Variants in DTNBP1 observed in about 807,000 individuals in gnomAD.
DTNBP1 encodes dystrobrevin binding protein 1, also known as dysbindin.
DTNBP1 carries 35 observed loss-of-function variants against 42.8 expected under a neutral mutation model. The ratio of observed to expected loss-of-function variants is 0.82; its 90% CI spans 0.63 to 1.09. DTNBP1 has a LOEUF of 1.09. Ranked by LOEUF, DTNBP1 falls within the 50% of genes least tolerant of loss-of-function variation. The pLI, the probability that DTNBP1 is intolerant of heterozygous loss-of-function variation, is 0.00. For missense variants in DTNBP1, 457 were observed against 424.2 expected (o/e 1.08, Z -0.68); for synonymous variants, 171 against 162.2 (o/e 1.05, Z -0.41).
At chr6:15,649,776 C>T (rs1760879078) in intron 3 of DTNBP1, among the ~76,000 whole-genome samples, 1 of 152,180 alleles carries the variant, frequency 6.6e-6, no homozygotes, top group South Asian at 2.1e-4. Flanking sequence ...ACATTATTGA[C>T]ACCGTCTTAC....
At chr6:15,572,254 G>A (rs1775371207) in intron 7 of DTNBP1, among the ~76,000 whole-genome samples, 1 of 152,160 alleles carries the variant, frequency 6.6e-6, no homozygotes, top group African/African-American at 2.4e-5. Context: ...ACTTGCCCAA[G>A]GACATGCAGC....
intron 6 of DTNBP1, among the ~76,000 whole-genome samples, chr6:15,605,407 T>C (rs558367603): frequency 3.3e-5 from 5 of 152,294 alleles, no homozygotes; most frequent in Admixed American, 3.3e-4. Flanking sequence ...TAGATCCTCA[T>C]ATGACTGCCA....
chr6:15,630,262 G>A (rs950471899), intron 4 of DTNBP1, among the ~76,000 whole-genome samples: 1 of 152,192 alleles, frequency 6.6e-6, no homozygotes, highest in Non-Finnish European at 1.5e-5. Flanking sequence ...AGCAGAATAA[G>A]TAGTGTTAAG....
At chr6:15,559,158 A>G (rs1354909737) in intron 7 of DTNBP1, among the ~76,000 whole-genome samples, 1 of 152,240 alleles carries the variant, frequency 6.6e-6, no homozygotes, top group Non-Finnish European at 1.5e-5. Flanking sequence ...AAAGGAGACA[A>G]GAGCCTTGAA....
At chr6:15,635,447 T>C (rs147526051) in intron 4 of DTNBP1, among the ~76,000 whole-genome samples, 7 of 152,296 alleles carry the variant, frequency 4.6e-5, no homozygotes, top group African/African-American at 1.7e-4. Flanking sequence ...ATGAGGTGTC[T>C]AGGAATGGAT....
At chr6:15,545,899 AG>A (rs1201635256) in intron 7 of DTNBP1, 22 of 319,426 alleles carry the variant, frequency 6.9e-5, no homozygotes, top group Non-Finnish European at 1.4e-4. Context: ...TTTTATGGGA[AG>A]GGCAAGGCAG....
chr6:15,579,372 G>A (rs1186274692), intron 7 of DTNBP1, among the ~76,000 whole-genome samples: 2 of 152,194 alleles, frequency 1.3e-5, no homozygotes, highest in African/African-American at 4.8e-5. Flanking sequence ...TAGAATAGTG[G>A]TTACTAGAGG....
intron 7 of DTNBP1, among the ~76,000 whole-genome samples, chr6:15,579,081 T>G (rs552491754): frequency 6.6e-6 from 1 of 152,358 alleles, no homozygotes; most frequent in Non-Finnish European, 1.5e-5. Context: ...GTATTTTGAT[T>G]AGATAGCTGC....
intron 7 of DTNBP1, among the ~76,000 whole-genome samples, chr6:15,575,028 C>G (rs927020670): frequency 6.6e-6 from 1 of 152,212 alleles, no homozygotes; most frequent in Non-Finnish European, 1.5e-5. Flanking sequence ...TACTGCCATA[C>G]TAGCCCAAAC....
intron 6 of DTNBP1, among the ~76,000 whole-genome samples, chr6:15,606,580 A>C (rs1758067249): frequency 6.6e-6 from 1 of 152,128 alleles, no homozygotes; most frequent in Non-Finnish European, 1.5e-5. Flanking sequence ...AAGCCATAGG[A>C]GCCTATTGCA....
intron 7 of DTNBP1, among the ~76,000 whole-genome samples, chr6:15,540,336 A>C (rs1277452193): frequency 6.6e-6 from 1 of 152,252 alleles, no homozygotes; most frequent in East Asian, 1.9e-4. Flanking sequence ...CAACTGCTTC[A>C]AAGTTCAGCT....
intron 7 of DTNBP1, among the ~76,000 whole-genome samples, chr6:15,558,163 T>G (rs1774631370): frequency 6.6e-6 from 1 of 151,924 alleles, no homozygotes; most frequent in African/African-American, 2.4e-5. Flanking sequence ...TCCTTGTCAA[T>G]TGCATCTTTG....
At chr6:15,644,749 C>T (rs185868614) in intron 3 of DTNBP1, among the ~76,000 whole-genome samples, 1 of 151,912 alleles carries the variant, frequency 6.6e-6, no homozygotes, top group African/African-American at 2.4e-5. Context: ...AATAAAGACA[C>T]AACATACCAA....
rs537330267 is a variant in DTNBP1, at chr6:15,547,114, T to C, written c.512-13719A>G. 3.3e-5 allele frequency among the ~76,000 whole-genome samples: 5 copies of C among 152,292 alleles called. No homozygotes were observed. The East Asian group carries it at 9.6e-4, about 29-fold the overall frequency. On this transcript the variant is annotated intron_variant, in intron 7 of 9. Coordinates refer to ENST00000344537, the MANE Select transcript of DTNBP1 (RefSeq NM_032122.5). ...AAAAAATGGAAGAAGTTTAGATCAC[T>C]ACAGGAATCTTTTCAAAATCAAAGG...
chr6:15,535,092 G>C (rs1239044229), intron 7 of DTNBP1, among the ~76,000 whole-genome samples: 1 of 152,052 alleles, frequency 6.6e-6, no homozygotes, highest in Non-Finnish European at 1.5e-5. Context: ...GGAGGGAAGT[G>C]ATTGGGTCAT....
At chr6:15,582,744 A>G (rs941743683) in intron 7 of DTNBP1, among the ~76,000 whole-genome samples, 1 of 152,202 alleles carries the variant, frequency 6.6e-6, no homozygotes, top group Non-Finnish European at 1.5e-5. Flanking sequence ...TATCTACCAT[A>G]GTATTTATTT....
rs558928934 is a variant in DTNBP1 at position 15,571,703 on chromosome 6, T to C, written c.511+21356A>G. Among the ~76,000 whole-genome samples the C allele has an allele frequency of 2.2e-4, 33 of 152,292 alleles. 1 individual carries two copies. Among genetic ancestry groups the C allele is most frequent in the African/African-American group, 7.2e-4 (30 of 41,570 alleles). On this transcript the variant is annotated intron_variant, in intron 7 of 9. Coordinates refer to ENST00000344537, the MANE Select transcript of DTNBP1 (RefSeq NM_032122.5). ...GCAAACCCCAGGGGTCAATTCATAG[T>C]ATTGTCACTATTGACTGTCTTCCAG...
At position 15,523,021 on chromosome 6, in the gene DTNBP1, G is replaced by A. The variant is rs1453325138; in HGVS notation, c.1010C>T (p.Thr337Ile). Reference sequence around the variant, plus strand: ...ACCATCCGGAGTGGCCTCTCTGTCAGTGTGTGATGTGGCCAGGGCAGTGTC... The same window carrying A: ...ACCATCCGGAGTGGCCTCTCTGTCAATGTGTGATGTGGCCAGGGCAGTGTC... Reference protein sequence around the residue: ...QVDTALATSHTDREATPDGGE... With the variant: ...QVDTALATSHIDREATPDGGE... Residue 337 changes from threonine (T) to isoleucine (I), a missense_variant, in exon 10 of 10, where the codon ACT becomes ATT. Physicochemically the swap from Thr to Ile is moderately conservative, Grantham distance 89 (BLOSUM62 -1). Coordinates refer to ENST00000344537, the MANE Select transcript of DTNBP1 (RefSeq NM_032122.5). The A allele has an allele frequency of 1.9e-6, 3 of 1,614,230 alleles. No individual in the cohort carries two copies. In the Admixed American group the frequency reaches 5.0e-5, roughly 27 times the overall value.
rs946066899 is a variant in DTNBP1, at chr6:15,523,462, C to T, written c.812-243G>A. 3.9e-5 allele frequency: 51 copies of T among 1,297,360 alleles called. 1 individual carries two copies. Among genetic ancestry groups the T allele is most frequent in the South Asian group, 7.5e-5 (5 of 66,832 alleles). 80.4% of individuals were successfully genotyped at this position (1,297,360 alleles called of 1,614,324 possible). A position where few individuals can be genotyped will look rare whatever the true frequency, so the allele number is the denominator to read the frequency against. Reference sequence around the variant, plus strand: ...GGAGTCAGCCACATGTGACACAGATCAAGTGCTCCTAAGGCTGTAATACGC... The same window carrying T: ...GGAGTCAGCCACATGTGACACAGATTAAGTGCTCCTAAGGCTGTAATACGC... On this transcript the variant is annotated intron_variant, in intron 9 of 9. Transcript: ENST00000344537.
Sources: gnomAD v4.1 joint callset for allele counts (sites outside exome capture counted in the v4.1 genomes callset) on GRCh38, gnomAD v4.1.1 for gene constraint, MANE v1.5 for transcripts, NCBI Gene and HGNC (gene_info 2026-07-23, HGNC 2026-07-21) for gene names.